Variants in NCKAP5 observed in about 807,000 individuals in gnomAD.
NCKAP5 encodes nck-associated protein 5.
A neutral mutation model predicts 167.0 loss-of-function variants in NCKAP5; 92 were observed. The observed-to-expected ratio is 0.55, with a 90% CI of 0.47 to 0.66. NCKAP5 has a LOEUF of 0.66. NCKAP5 is among the 30% of genes least tolerant of loss of function. The pLI, the probability that NCKAP5 is intolerant of heterozygous loss-of-function variation, is 0.00. For synonymous variants in NCKAP5, 891 were observed against 877.4 expected, an observed-to-expected ratio of 1.02 and a Z score of -0.27; for missense variants, 2,378 against 2,315.0, an observed-to-expected ratio of 1.03 and a Z score of -0.56.
intron 19 of NCKAP5, among the ~76,000 whole-genome samples, chr2:132,684,039 G>C (rs990720259): frequency 8.5e-5 from 13 of 152,180 alleles, no homozygotes; most frequent in Admixed American, 3.3e-4. Flanking sequence ...TCAGCAACTT[G>C]AATATTGCAT....
At chr2:133,072,497 C>T (rs976816571) in intron 6 of NCKAP5, among the ~76,000 whole-genome samples, 6 of 152,154 alleles carry the variant, frequency 3.9e-5, no homozygotes, top group African/African-American at 1.2e-4. Context: ...TAAGAGCACC[C>T]ACCCCACTCC....
At chr2:133,488,283 T>A (rs1187836181) in intron 3 of NCKAP5, among the ~76,000 whole-genome samples, 1 of 152,158 alleles carries the variant, frequency 6.6e-6, no homozygotes, top group African/African-American at 2.4e-5. Flanking sequence ...TCATCTTTGA[T>A]GAAAAGCAAA....
At chr2:133,365,189 C>A (rs1429933423) in intron 3 of NCKAP5, among the ~76,000 whole-genome samples, 1 of 151,804 alleles carries the variant, frequency 6.6e-6, no homozygotes, top group South Asian at 2.1e-4. Context: ...GAACCACAAG[C>A]AAAAGTAACA....
rs1232713634 is a variant in NCKAP5 at position 133,532,049 on chromosome 2, T to C, written c.-61-14462A>G. 2.6e-5 allele frequency among the ~76,000 whole-genome samples: 4 copies of C among 152,354 alleles called. No homozygotes were observed. In the East Asian group the frequency reaches 7.7e-4, roughly 29 times the overall value. The stretch of plus-strand genomic sequence containing the variant: ...GTGTATGCATAAACCTAGAACGATA[T>C]ACAGCACTGTTTTATGTGTGTTTTA... On this transcript the variant is annotated intron_variant, in intron 2 of 19. Coordinates refer to ENST00000409261, the MANE Select transcript of NCKAP5 (RefSeq NM_207363.3).
chr2:132,833,156 A>G (rs1687637944), intron 11 of NCKAP5, among the ~76,000 whole-genome samples: 1 of 152,054 alleles, frequency 6.6e-6, no homozygotes, highest in African/African-American at 2.4e-5. Context: ...CCTGTTGGTC[A>G]TTTGTATGCC....
chr2:132,814,647 G>A (rs566670664), intron 11 of NCKAP5, among the ~76,000 whole-genome samples: 1 of 152,076 alleles, frequency 6.6e-6, no homozygotes, highest in Non-Finnish European at 1.5e-5. Flanking sequence ...AACAGAATCC[G>A]AGATAGAAGT....
At chr2:132,925,368 C>G (rs960635503) in intron 8 of NCKAP5, among the ~76,000 whole-genome samples, 1 of 150,684 alleles carries the variant, frequency 6.6e-6, no homozygotes, top group African/African-American at 2.4e-5. Context: ...TCCTGGTTAA[C>G]ACGGTGAAAC....
Position 133,322,011 on chromosome 2 carries a change from C to T in NCKAP5, c.70-18901G>A, listed in dbSNP as rs191831465. Among the ~76,000 whole-genome samples, 763 of 152,206 alleles carry T rather than the reference C, an allele frequency of 5.0e-3. 9 individuals carry two copies. The highest frequency in any genetic ancestry group is 0.017 in the African/African-American group (721 of 41,520). On this transcript the variant is annotated intron_variant, in intron 3 of 19. Coordinates refer to ENST00000409261, the MANE Select transcript of NCKAP5 (RefSeq NM_207363.3). Reference sequence around the variant, plus strand: ...CCTGGCCCACATCAAAAATTATATACCTATAAAAATGTGCATTTTTCTAGT... The same window carrying T: ...CCTGGCCCACATCAAAAATTATATATCTATAAAAATGTGCATTTTTCTAGT...
At chr2:133,444,787 G>A (rs1225311931) in intron 3 of NCKAP5, among the ~76,000 whole-genome samples, 1 of 152,074 alleles carries the variant, frequency 6.6e-6, no homozygotes, top group African/African-American at 2.4e-5. Context: ...TGAACTCCAG[G>A]CCTGACCCTC....
chr2:133,389,746 G>C (rs571401031), intron 3 of NCKAP5, among the ~76,000 whole-genome samples: 1 of 152,130 alleles, frequency 6.6e-6, no homozygotes, highest in Non-Finnish European at 1.5e-5. Flanking sequence ...GTGCAGGCCC[G>C]TGAGCTCACC....
chr2:133,525,641 G>A (rs192684370), intron 2 of NCKAP5, among the ~76,000 whole-genome samples: 47 of 152,244 alleles, frequency 3.1e-4, no homozygotes, highest in Middle Eastern at 3.4e-3. Context: ...GATATAATTC[G>A]TATATCATAT....
intron 8 of NCKAP5, among the ~76,000 whole-genome samples, chr2:132,929,470 A>G (rs1232228069): frequency 6.6e-6 from 1 of 152,230 alleles, no homozygotes; most frequent in Non-Finnish European, 1.5e-5. Flanking sequence ...CCCTAAAAAT[A>G]TACTGTTAAA....
At chr2:132,805,983 G>A (rs891161138) in intron 11 of NCKAP5, among the ~76,000 whole-genome samples, 6 of 151,880 alleles carry the variant, frequency 4.0e-5, no homozygotes, top group African/African-American at 7.3e-5. Context: ...ATGACTTTGC[G>A]TCCTCATAGC....
At chr2:133,211,564 C>G (rs1258579596) in intron 5 of NCKAP5, among the ~76,000 whole-genome samples, 1 of 152,160 alleles carries the variant, frequency 6.6e-6, no homozygotes, top group Admixed American at 6.5e-5. Flanking sequence ...CTTTTATTTT[C>G]TCATAGCTGC....
the NCKAP5 span, among the ~76,000 whole-genome samples, chr2:133,577,669 T>TC: frequency 6.6e-6 from 1 of 151,948 alleles, no homozygotes; most frequent in African/African-American, 2.4e-5. Context: ...CCTCCCAACT[T>TC]CCCCCACCCC....
chr2:133,524,187 A>G (rs937107003), intron 2 of NCKAP5, among the ~76,000 whole-genome samples: 2 of 152,140 alleles, frequency 1.3e-5, no homozygotes, highest in African/African-American at 4.8e-5. Context: ...ATGGAACACC[A>G]GTTTAGGAAG....
chr2:133,601,440 T>C, the NCKAP5 span, among the ~76,000 whole-genome samples: 1 of 152,198 alleles, frequency 6.6e-6, no homozygotes, highest in Non-Finnish European at 1.5e-5. Flanking sequence ...TTTTTAAAAT[T>C]CTACCTTGGC....
intron 1 of NCKAP5, among the ~76,000 whole-genome samples, chr2:133,559,645 A>T (rs574218414): frequency 6.6e-6 from 1 of 152,284 alleles, no homozygotes; most frequent in African/African-American, 2.4e-5. Context: ...CATTTTATGG[A>T]TGGGGAAATC....
intron 6 of NCKAP5, among the ~76,000 whole-genome samples, chr2:133,102,440 C>T (rs2081545998): frequency 6.6e-6 from 1 of 152,174 alleles, no homozygotes; most frequent in African/African-American, 2.4e-5. Context: ...AGCCATCACG[C>T]CTGGCCTTTC....
Sources: allele counts gnomAD v4.1 joint callset (sites outside exome capture counted in the v4.1 genomes callset), GRCh38; gene constraint gnomAD v4.1.1; transcripts MANE v1.5; gene names NCBI Gene and HGNC (gene_info 2026-07-23, HGNC 2026-07-21).